The following SOBP variants were observed in gnomAD, a reference collection of about 807,000 sequenced individuals.
SOBP encodes sine oculis-binding protein homolog.
A neutral mutation model predicts 53.6 loss-of-function variants in SOBP; 4 were observed. The observed-to-expected ratio is 0.07, with a 90% CI of 0.04 to 0.17. SOBP has a LOEUF of 0.17. Among genes scored for constraint, SOBP ranks in the 10% least tolerant of loss-of-function variants. SOBP has a pLI of 1.00. For missense variants in SOBP, 1,088 were observed against 1,204.7 expected (o/e 0.90, Z 1.43); for synonymous variants, 584 against 522.6 (o/e 1.12, Z -1.60).
At chr6:107,504,093 G>A (rs1336580552) in intron 2 of SOBP, among the ~76,000 whole-genome samples, 1 of 152,238 alleles carries the variant, frequency 6.6e-6, no homozygotes, top group African/African-American at 2.4e-5. Flanking sequence ...GACAATGTTT[G>A]CTAACTAGAG....
At chr6:107,607,302 G>A (rs1025640537) in intron 5 of SOBP, among the ~76,000 whole-genome samples, 2 of 152,128 alleles carry the variant, frequency 1.3e-5, no homozygotes, top group Non-Finnish European at 2.9e-5. Flanking sequence ...TGCACAACAG[G>A]AAGTGGACAG....
At chr6:107,586,117 A>G (rs1473706518) in intron 4 of SOBP, among the ~76,000 whole-genome samples, 1 of 152,208 alleles carries the variant, frequency 6.6e-6, no homozygotes, top group African/African-American at 2.4e-5. Context: ...GCTTTTAAAA[A>G]TCAGCTGGCA....
intron 4 of SOBP, among the ~76,000 whole-genome samples, chr6:107,585,961 C>A (rs907759647): frequency 2.0e-5 from 3 of 152,188 alleles, no homozygotes; most frequent in Non-Finnish European, 4.4e-5. Context: ...TTTCTCCCCC[C>A]TCAATCCATA....
intron 3 of SOBP, among the ~76,000 whole-genome samples, chr6:107,513,535 T>G (rs1372025752): frequency 1.3e-5 from 2 of 152,188 alleles, no homozygotes; most frequent in African/African-American, 2.4e-5. Flanking sequence ...TTATTTTATC[T>G]GTTATTCAAT....
intron 6 of SOBP, among the ~76,000 whole-genome samples, chr6:107,653,043 G>A (rs1771873514): frequency 6.6e-6 from 1 of 152,150 alleles, no homozygotes; most frequent in South Asian, 2.1e-4. Context: ...CAGTGGTCTA[G>A]AACCAAACCT....
At chr6:107,567,205 A>G (rs928222277) in intron 4 of SOBP, among the ~76,000 whole-genome samples, 4 of 152,260 alleles carry the variant, frequency 2.6e-5, no homozygotes, top group African/African-American at 9.6e-5. Context: ...TAGAAAAGAA[A>G]TAGCAGGAAG....
intron 4 of SOBP, among the ~76,000 whole-genome samples, chr6:107,586,699 G>T (rs1785579137): frequency 6.6e-6 from 1 of 152,158 alleles, no homozygotes; most frequent in South Asian, 2.1e-4. Context: ...TTTTAAAAGT[G>T]CATTATCTAG....
At chr6:107,524,781 A>G (rs1398761593) in intron 3 of SOBP, among the ~76,000 whole-genome samples, 1 of 152,218 alleles carries the variant, frequency 6.6e-6, no homozygotes, top group African/African-American at 2.4e-5. Flanking sequence ...CTTCCTGATA[A>G]TTAATGACCC....
chr6:107,600,290 G>A (rs1041974751), intron 5 of SOBP, among the ~76,000 whole-genome samples: 7 of 152,112 alleles, frequency 4.6e-5, no homozygotes, highest in African/African-American at 1.2e-4. Context: ...ACCTCCTTAC[G>A]TGCCGCGCCT....
chr6:107,636,780 A>G (rs955610749), intron 6 of SOBP, among the ~76,000 whole-genome samples: 1 of 152,148 alleles, frequency 6.6e-6, no homozygotes, highest in African/African-American at 2.4e-5. Flanking sequence ...CGTAAGATGA[A>G]TAATTGCTCA....
intron 5 of SOBP, among the ~76,000 whole-genome samples, chr6:107,598,231 T>C (rs1786020649): frequency 6.6e-6 from 1 of 152,182 alleles, no homozygotes; most frequent in South Asian, 2.1e-4. Flanking sequence ...CAGTGTATAA[T>C]AAAGTGCCAG....
At chr6:107,523,689 T>C (rs1783578963) in intron 3 of SOBP, among the ~76,000 whole-genome samples, 1 of 152,208 alleles carries the variant, frequency 6.6e-6, no homozygotes, top group Non-Finnish European at 1.5e-5. Context: ...CTTGGCTTGC[T>C]CTTCTGTCAT....
intron 3 of SOBP, among the ~76,000 whole-genome samples, chr6:107,524,320 A>G (rs1208368492): frequency 6.6e-6 from 1 of 152,180 alleles, no homozygotes; most frequent in Non-Finnish European, 1.5e-5. Flanking sequence ...TCAGCTATCT[A>G]GGAGAGAGAA....
At chr6:107,553,354 A>T (rs1784520431) in intron 4 of SOBP, among the ~76,000 whole-genome samples, 1 of 146,448 alleles carries the variant, frequency 6.8e-6, no homozygotes, top group African/African-American at 2.5e-5. Context: ...TTTGAGACAG[A>T]GTCTCACTGT....
intron 4 of SOBP, among the ~76,000 whole-genome samples, chr6:107,570,788 G>A (rs910509783): frequency 1.6e-4 from 25 of 152,352 alleles, no homozygotes; most frequent in African/African-American, 6.0e-4. Context: ...AAGTGTAATA[G>A]CAGTGCTATC....
chr6:107,604,642 G>A (rs556129777), intron 5 of SOBP, among the ~76,000 whole-genome samples: 1 of 152,052 alleles, frequency 6.6e-6, no homozygotes, highest in South Asian at 2.1e-4. Flanking sequence ...AAGCTAAGAA[G>A]GTGAGGTCAG....
At chr6:107,624,302 G>A (rs1770360473) in intron 5 of SOBP, among the ~76,000 whole-genome samples, 1 of 152,300 alleles carries the variant, frequency 6.6e-6, no homozygotes, top group Non-Finnish European at 1.5e-5. Flanking sequence ...CATTAACAAG[G>A]TGAAGTGTAT....
chr6:107,517,089 A>C (rs1783343196), intron 3 of SOBP, among the ~76,000 whole-genome samples: 2 of 152,224 alleles, frequency 1.3e-5, no homozygotes, highest in South Asian at 4.1e-4. Flanking sequence ...TAAAATTGGG[A>C]GACTTATACT....
chr6:107,506,932 G>A (rs1185559348), intron 3 of SOBP, among the ~76,000 whole-genome samples: 2 of 151,920 alleles, frequency 1.3e-5, no homozygotes, highest in Admixed American at 1.3e-4. Flanking sequence ...TGGCGGGCTA[G>A]TAATTAGCTA....
Sources: allele counts gnomAD v4.1 joint callset (sites outside exome capture counted in the v4.1 genomes callset), GRCh38; gene constraint gnomAD v4.1.1; transcripts MANE v1.5; gene names NCBI Gene and HGNC (gene_info 2026-07-23, HGNC 2026-07-21).